L2HGDH: variants seen among roughly 807,000 people sequenced by gnomAD.
L2HGDH encodes L-2-hydroxyglutarate dehydrogenase.
In L2HGDH, 34 loss-of-function variants were observed where a neutral mutation model predicts 51.5. The ratio of observed to expected loss-of-function variants is 0.66; its 90% CI spans 0.50 to 0.88. The LOEUF (loss-of-function observed/expected upper bound fraction) is 0.88, where lower values mean the gene tolerates loss of function less well. Among genes scored for constraint, L2HGDH ranks in the 40% least tolerant of loss-of-function variants. The pLI, the probability that L2HGDH is intolerant of heterozygous loss-of-function variation, is 0.00. For synonymous variants in L2HGDH, 198 were observed against 197.9 expected (o/e 1.00, Z -0.01); for missense variants, 558 against 571.9 (o/e 0.98, Z 0.25).
intron 9 of L2HGDH, 57 bp downstream of exon 9, chr14:50,265,301 C>T (rs146471399): frequency 2.0e-6 from 3 of 1,480,182 alleles, no homozygotes; most frequent in South Asian, 1.1e-5. Context: ...GTCAGACCCA[C>T]CTCTCAAGTT....
At chr14:50,303,965 A>T (rs2030580117) in intron 1 of L2HGDH, among the ~76,000 whole-genome samples, 1 of 152,194 alleles carries the variant, frequency 6.6e-6, no homozygotes, top group Non-Finnish European at 1.5e-5. Context: ...GACTGCAGTC[A>T]TGCGTTGCTT....
Position 50,312,210 on chromosome 14 carries a change from G to T in L2HGDH, c.-60C>A. The T allele has an allele frequency of 7.5e-6, 12 of 1,590,902 alleles. No homozygotes were observed. The highest frequency in any genetic ancestry group is 2.3e-5 in the East Asian group (1 of 44,136). ...AGAAGCCACTTGACCCTCCACGGCC[G>T]AGGACCCGCGCTCTTTAGCCCCGCC... On this transcript the variant is annotated 5_prime_UTR_variant, in exon 1 of 10. Transcript: ENST00000267436.
chr14:50,259,791 G>A (rs145523936), intron 9 of L2HGDH, among the ~76,000 whole-genome samples: 1,763 of 151,836 alleles, frequency 0.012, 38 homozygotes, highest in African/African-American at 0.041. Context: ...CTGAGACTGC[G>A]CCACTGCACT....
chr14:50,266,143 C>CA (rs34597714), intron 8 of L2HGDH, among the ~76,000 whole-genome samples: 71,619 of 136,766 alleles, frequency 0.52, 18,230 homozygotes, highest in East Asian at 0.67. Context: ...AACTTTGACT[C>CA]AAAAAAAAAA....
At chr14:50,302,609 A>G (rs2297993) in intron 2 of L2HGDH, among the ~76,000 whole-genome samples, 88,035 of 151,980 alleles carry the variant, frequency 0.58, 25,497 homozygotes, top group East Asian at 0.66. Flanking sequence ...GCTCACAGCC[A>G]CAATCTTGAT....
chr14:50,252,577 T>A (rs1234736596), intron 9 of L2HGDH, among the ~76,000 whole-genome samples: 1 of 151,376 alleles, frequency 6.6e-6, no homozygotes, highest in African/African-American at 2.4e-5. Context: ...AATAAAGGGA[T>A]GGAAAAAGAT....
chr14:50,267,775 C>A lies in L2HGDH; in HGVS notation c.1042G>T (p.Val348Phe). Residue 348 changes from valine to phenylalanine, a missense_variant, in exon 8 of 10, where the codon GTT becomes TTT. Coordinates refer to ENST00000267436, the MANE Select transcript of L2HGDH (RefSeq NM_024884.3). Reference sequence around the variant, plus strand: ...TACCTATTGATAATTATATCCATAACATCTGTGGCACTGAAGTCAAAGGGT... The same window carrying A: ...TACCTATTGATAATTATATCCATAAAATCTGTGGCACTGAAGTCAAAGGGT... ...YRPFDFSATD[V>F]MDIIINSGLI... 6.2e-7 allele frequency: 1 copy of A among 1,611,964 alleles called. No individual in the cohort carries two copies. Among genetic ancestry groups the A allele is most frequent in the Non-Finnish European group, 8.5e-7 (1 of 1,178,050 alleles).
chr14:50,254,419 G>C (rs1888539588), intron 9 of L2HGDH, among the ~76,000 whole-genome samples: 1 of 151,966 alleles, frequency 6.6e-6, no homozygotes, highest in African/African-American at 2.4e-5. Context: ...AAACTTCTTG[G>C]GGTAGAGACG....
chr14:50,259,116 T>G (rs1173301472), intron 9 of L2HGDH, among the ~76,000 whole-genome samples: 1 of 150,748 alleles, frequency 6.6e-6, no homozygotes, highest in African/African-American at 2.4e-5. Context: ...CCACCCAAAG[T>G]GCTAGGATTA....
Position 50,242,858 on chromosome 14 carries a change from T to A in L2HGDH, c.*4200A>T, listed in dbSNP as rs573991768. ...TCTGACCAAGAAGTCTAGACACAGA[T>A]TAAGGGCCCAGGAGGGCAGAGCCAG... On this transcript the variant is annotated 3_prime_UTR_variant, in exon 10 of 10. Coordinates refer to ENST00000267436, the MANE Select transcript of L2HGDH (RefSeq NM_024884.3). The A allele has an allele frequency of 1.7e-4, 163 of 985,378 alleles. No homozygotes were observed. In the African/African-American group the frequency reaches 2.4e-3, roughly 15 times the overall value. The allele number at this position is 985,378 out of a possible 1,614,324, so 61.0% of individuals were successfully genotyped here.
At position 50,244,763 on chromosome 14, in the gene L2HGDH, GGAA is replaced by G; in HGVS notation, c.*2292_*2294del. ...ATCAATGCTTGAAGTGAGGGGAAAAGGAAGAAAACAGAAACATTTTTCCTATCA... is the reference window on the plus strand; with the variant it reads ...ATCAATGCTTGAAGTGAGGGGAAAAGGAAAACAGAAACATTTTTCCTATCA... On this transcript the variant is annotated 3_prime_UTR_variant, in exon 10 of 10. Transcript: ENST00000267436. 1.3e-5 allele frequency: 13 copies of G among 985,376 alleles called. No homozygotes were observed. The highest frequency in any genetic ancestry group is 1.6e-5 in the Non-Finnish European group (13 of 829,926). 61.0% of individuals were successfully genotyped at this position (985,376 alleles called of 1,614,324 possible). A position where few individuals can be genotyped will look rare whatever the true frequency, so the allele number is the denominator to read the frequency against.
At chr14:50,301,574 C>T (rs1024547514) in intron 3 of L2HGDH, among the ~76,000 whole-genome samples, 2 of 152,170 alleles carry the variant, frequency 1.3e-5, no homozygotes, top group African/African-American at 4.8e-5. Flanking sequence ...TCACAAAAGA[C>T]TACATAGTAT....
At chr14:50,249,329 G>C (rs547682548) in intron 9 of L2HGDH, among the ~76,000 whole-genome samples, 1 of 152,298 alleles carries the variant, frequency 6.6e-6, no homozygotes, top group African/African-American at 2.4e-5. Context: ...ATACCAGCCG[G>C]CATAGCTAAA....
chr14:50,307,812 T>C (rs963900589), intron 1 of L2HGDH, among the ~76,000 whole-genome samples: 2 of 152,142 alleles, frequency 1.3e-5, no homozygotes, highest in African/African-American at 4.8e-5. Flanking sequence ...ACACTACCAT[T>C]ATAGTTAAAA....
chr14:50,296,593 T>TA (rs113103736), intron 3 of L2HGDH, among the ~76,000 whole-genome samples: 1,417 of 117,442 alleles, frequency 0.012, 23 homozygotes, highest in Non-Finnish European at 0.018. Context: ...CTTCCCACAT[T>TA]AAAAAAAAAA....
rs2029886052 is a variant in L2HGDH at position 50,293,889 on chromosome 14, GCCT to G, written c.540+223_540+225del. Among the ~76,000 whole-genome samples, 5 of 152,064 alleles carry G rather than the reference GCCT, an allele frequency of 3.3e-5. No homozygotes were observed. In the South Asian group the frequency reaches 1.0e-3, roughly 32 times the overall value. Reference sequence around the variant, plus strand: ...TTCCAAACATGCCATGTGGTCTCAGGCCTCCTCTTGTCTTCATGTTGGTCAGAC... The same window carrying G: ...TTCCAAACATGCCATGTGGTCTCAGGCCTCTTGTCTTCATGTTGGTCAGAC... On this transcript the variant is annotated intron_variant, in intron 4 of 9. Coordinates refer to ENST00000267436, the MANE Select transcript of L2HGDH (RefSeq NM_024884.3).
chr14:50,300,653 T>A (rs2030356787), intron 3 of L2HGDH, among the ~76,000 whole-genome samples: 1 of 151,976 alleles, frequency 6.6e-6, no homozygotes, highest in Non-Finnish European at 1.5e-5. Context: ...TATTTACAAT[T>A]TTTGTCAATT....
At chr14:50,270,696 C>CG (rs1889627833) in intron 6 of L2HGDH, among the ~76,000 whole-genome samples, 2 of 151,838 alleles carry the variant, frequency 1.3e-5, no homozygotes, top group African/African-American at 4.8e-5. Flanking sequence ...TTAGTAGAGA[C>CG]GGGGTTTCAC....
In L2HGDH at chr14:50,299,651, T is replaced by C. The variant is rs189596408; in HGVS notation, c.408+2366A>G. ...GACCAAGTGGGATTTAACCCAGGGA[T>C]GCAAAGGATGGTTCAACATATGTAA... On this transcript the variant is annotated intron_variant, in intron 3 of 9. Transcript: ENST00000267436. Among the ~76,000 whole-genome samples the C allele has an allele frequency of 3.5e-3, 537 of 152,232 alleles. 2 individuals carry two copies. Among genetic ancestry groups the C allele is most frequent in the African/African-American group, 0.012 (499 of 41,532 alleles).
Sources: gnomAD v4.1 joint callset for allele counts (sites outside exome capture counted in the v4.1 genomes callset) on GRCh38, gnomAD v4.1.1 for gene constraint, MANE v1.5 for transcripts, NCBI Gene and HGNC (gene_info 2026-07-23, HGNC 2026-07-21) for gene names.